The following EPS15L1 variants were observed in gnomAD, a reference collection of about 807,000 sequenced individuals.
EPS15L1 encodes the protein epidermal growth factor receptor substrate 15-like 1.
Under a neutral mutation model 117.1 loss-of-function variants are expected in EPS15L1, and 43 were observed. The observed-to-expected ratio is 0.37, with a 90% CI of 0.29 to 0.47. EPS15L1 has a LOEUF of 0.47. Ranked by LOEUF, EPS15L1 falls within the 20% of genes least tolerant of loss-of-function variation. The pLI is 0.99. For missense variants in EPS15L1, 981 were observed against 1,164.0 expected, an observed-to-expected ratio of 0.84 and a Z score of 2.29; for synonymous variants, 459 against 470.5, an observed-to-expected ratio of 0.98 and a Z score of 0.32.
chr19:16,417,584 A>T lies in EPS15L1; in HGVS notation c.1161T>A (p.Asp387Glu). The change falls in exon 12 of 24, where the codon GAT becomes GAA. Residue 387 changes from aspartate (D) to glutamate (E), a missense_variant. Physicochemically the swap from Asp to Glu is conservative, Grantham distance 45. Around this residue, in one of 5 missense-constraint regions of EPS15L1, gnomAD observed 819 missense variants for 949.0 expected, o/e 0.86. Transcript: ENST00000455140. Reference protein sequence around the residue: ...SGEFTGVKELDDISQEIAQLQ... With the variant: ...SGEFTGVKELEDISQEIAQLQ... ...ACTGGGCAATCTCTTGACTGATGTC[A>T]TCAAGCTCCTTCACGCCAGTAAACT... The T allele has an allele frequency of 6.2e-7, 1 of 1,614,180 alleles. No individual in the cohort carries two copies. The highest frequency in any genetic ancestry group is 1.1e-5 in the South Asian group (1 of 91,086).
intron 18 of EPS15L1, 136 bp from the exon 19 acceptor site, chr19:16,392,576 ATGG>A: frequency 1.2e-6 from 1 of 853,892 alleles, no homozygotes; most frequent in East Asian, 2.7e-5. Flanking sequence ...AAACAGGATA[ATGG>A]TGGCCAGGGG....
intron 1 of EPS15L1, among the ~76,000 whole-genome samples, chr19:16,449,986 A>C (rs1330897434): frequency 3.9e-5 from 6 of 152,062 alleles, no homozygotes; most frequent in African/African-American, 1.4e-4. Flanking sequence ...GTTGCCGGGG[A>C]TAAGGAAGAG....
rs893768025 is a variant in EPS15L1 at position 16,435,721 on chromosome 19, T to C, written c.372+1216A>G. On this transcript the variant is annotated intron_variant, in intron 6 of 23. Transcript: ENST00000455140. ...CTCAGTGCCTTCAGAAGCCCAGAAA[T>C]GTTCACAACGGAAACAAACACTTGG... is the stretch of plus-strand genomic sequence containing the variant. Among the ~76,000 whole-genome samples the C allele has an allele frequency of 2.6e-5, 4 of 152,108 alleles. 1 individual carries two copies. The highest frequency in any genetic ancestry group is 2.6e-4 in the Admixed American group (4 of 15,262).
At chr19:16,450,337 C>G (rs1424859738) in intron 1 of EPS15L1, among the ~76,000 whole-genome samples, 1 of 151,380 alleles carries the variant, frequency 6.6e-6, no homozygotes, top group Non-Finnish European at 1.5e-5. Flanking sequence ...AATGTCTAAA[C>G]TCTCAGGGGT....
chr19:16,436,389 G>A (rs992620803), intron 6 of EPS15L1, among the ~76,000 whole-genome samples: 9 of 152,172 alleles, frequency 5.9e-5, no homozygotes, highest in African/African-American at 2.2e-4. Context: ...TCTTCTTTCT[G>A]GACGCAGTAG....
chr19:16,393,119 A>AATG (rs2092497906), intron 18 of EPS15L1, among the ~76,000 whole-genome samples: 1 of 105,268 alleles, frequency 9.5e-6, no homozygotes, highest in African/African-American at 3.1e-5. Context: ...TAATAATAAT[A>AATG]ATAATAAACA....
chr19:16,384,554 A>G (rs549362033), intron 21 of EPS15L1, among the ~76,000 whole-genome samples: 15 of 152,326 alleles, frequency 9.8e-5, no homozygotes, highest in Admixed American at 8.5e-4. Context: ...CTGGGACCAG[A>G]GCCACAGTGA....
chr19:16,438,798 G>C (rs907708151), intron 4 of EPS15L1, among the ~76,000 whole-genome samples: 1 of 152,156 alleles, frequency 6.6e-6, no homozygotes, highest in Non-Finnish European at 1.5e-5. Context: ...TAGGATTACA[G>C]GTATGAGCCA....
intron 22 of EPS15L1, among the ~76,000 whole-genome samples, chr19:16,368,510 C>T (rs1267134590): frequency 2.0e-5 from 3 of 152,196 alleles, no homozygotes; most frequent in African/African-American, 7.2e-5. Context: ...GTCATTCACC[C>T]TACACAACAG....
intron 4 of EPS15L1, among the ~76,000 whole-genome samples, chr19:16,438,119 G>A (rs1223474376): frequency 6.6e-6 from 1 of 152,132 alleles, no homozygotes; most frequent in Non-Finnish European, 1.5e-5. Flanking sequence ...TTGGGAGACC[G>A]AGGCAGGTGG....
intron 16 of EPS15L1, among the ~76,000 whole-genome samples, chr19:16,399,351 G>A (rs1182400167): frequency 6.6e-6 from 1 of 152,146 alleles, no homozygotes; most frequent in East Asian, 1.9e-4. Context: ...CCAACTTGGG[G>A]GACACGAGTA....
intron 1 of EPS15L1, among the ~76,000 whole-genome samples, chr19:16,468,727 T>A (rs1034348572): frequency 1.3e-5 from 2 of 151,436 alleles, no homozygotes; most frequent in African/African-American, 4.9e-5. Flanking sequence ...AGAAGATGAA[T>A]CCTAGCCAGA....
At chr19:16,400,907 A>C (rs1217560095) in intron 16 of EPS15L1, 27 of 985,330 alleles carry the variant, frequency 2.7e-5, no homozygotes, top group Non-Finnish European at 3.3e-5. Flanking sequence ...GGGACATTTA[A>C]GAGGAAGCTG....
At chr19:16,387,463 T>A (rs2092432026) in intron 19 of EPS15L1, among the ~76,000 whole-genome samples, 1 of 152,172 alleles carries the variant, frequency 6.6e-6, no homozygotes, top group Non-Finnish European at 1.5e-5. Context: ...AAAAATTAGA[T>A]GGGCGTGGTG....
chr19:16,418,479 A>G (rs540195289), intron 10 of EPS15L1, among the ~76,000 whole-genome samples: 21 of 152,266 alleles, frequency 1.4e-4, no homozygotes, highest in Admixed American at 1.0e-3. Flanking sequence ...TTCCGTGGAA[A>G]TGGGTGCTGA....
intron 1 of EPS15L1, among the ~76,000 whole-genome samples, chr19:16,461,990 A>C (rs1214932237): frequency 6.6e-6 from 1 of 152,204 alleles, no homozygotes; most frequent in Non-Finnish European, 1.5e-5. Flanking sequence ...CCCAGATTTC[A>C]GGGGCTGGGA....
At position 16,381,344 on chromosome 19, in the gene EPS15L1, C is replaced by T. The variant is rs1176371314; in HGVS notation, c.2247+3785G>A. The stretch of plus-strand genomic sequence containing the variant: ...ACATCGTCTGCCTCCCAGGCTGGGG[C>T]CACCAGACGCTGCCCTCAGCTGCCG... On this transcript the variant is annotated intron_variant, in intron 21 of 23. Coordinates refer to ENST00000455140, the MANE Select transcript of EPS15L1 (RefSeq NM_001258374.3). This position sits in a 1 kb window ranked among gnomAD's most constrained non-coding sequence, Gnocchi z 4.2. Among the ~76,000 whole-genome samples, 2 of 152,254 alleles carry T rather than the reference C, an allele frequency of 1.3e-5. No homozygotes were observed. Among genetic ancestry groups the T allele is most frequent in the African/African-American group, 2.4e-5 (1 of 41,470 alleles).
chr19:16,363,195 C>T (rs1002841138), intron 22 of EPS15L1, among the ~76,000 whole-genome samples: 1 of 152,166 alleles, frequency 6.6e-6, no homozygotes, highest in Non-Finnish European at 1.5e-5. Flanking sequence ...CAACGGAGTC[C>T]CTGGGCATTC....
chr19:16,445,743 C>T (rs1034560698), intron 1 of EPS15L1, among the ~76,000 whole-genome samples: 1 of 152,188 alleles, frequency 6.6e-6, no homozygotes, highest in African/African-American at 2.4e-5. Flanking sequence ...CCATGTCTGA[C>T]CCCAAAGTGA....
Sources: allele counts gnomAD v4.1 joint callset (sites outside exome capture counted in the v4.1 genomes callset), GRCh38; gene constraint gnomAD v4.1.1; regional missense constraint gnomAD v4.1.1; non-coding constraint Gnocchi (gnomAD v3.1); transcripts MANE v1.5; gene names NCBI Gene and HGNC (gene_info 2026-07-23, HGNC 2026-07-21).